PDHX: variants seen among roughly 807,000 people sequenced by gnomAD.
The protein encoded by PDHX is pyruvate dehydrogenase protein X component, mitochondrial.
PDHX carries 33 observed loss-of-function variants against 55.3 expected under a neutral mutation model. The ratio of observed to expected loss-of-function variants is 0.60; its 90% CI spans 0.45 to 0.80. The LOEUF (loss-of-function observed/expected upper bound fraction) is 0.80, where lower values mean the gene tolerates loss of function less well. Among genes scored for constraint, PDHX ranks in the 30% least tolerant of loss-of-function variants. PDHX has a pLI of 0.00. For synonymous variants in PDHX, 226 were observed against 219.4 expected (o/e 1.03, Z -0.27); for missense variants, 622 against 619.9 (o/e 1.00, Z -0.04).
At chr11:34,978,016 TA>T (rs1479918516) in intron 7 of PDHX, 107 bp from the exon 8 acceptor site, 3 of 702,926 alleles carry the variant, frequency 4.3e-6, no homozygotes, top group Non-Finnish European at 7.7e-6. Flanking sequence ...TGTAATTTTT[TA>T]TCATTGTTTG....
At chr11:34,969,406 C>T (rs976898223) in intron 6 of PDHX, among the ~76,000 whole-genome samples, 1 of 150,506 alleles carries the variant, frequency 6.6e-6, no homozygotes, top group Non-Finnish European at 1.5e-5. Flanking sequence ...TGCAGTGGCG[C>T]GATCTTGGCT....
chr11:34,939,468 G>GGTGT (rs68165754), intron 2 of PDHX, among the ~76,000 whole-genome samples: 31 of 149,184 alleles, frequency 2.1e-4, no homozygotes, highest in African/African-American at 5.7e-4. Context: ...TTTTACTAAT[G>GGTGT]GTGTGTGTGT....
chr11:34,988,255 A>G (rs1480892106), intron 9 of PDHX, among the ~76,000 whole-genome samples: 1 of 152,168 alleles, frequency 6.6e-6, no homozygotes, highest in East Asian at 1.9e-4. Context: ...CAGCGGGCAT[A>G]CTTTGTACCA....
chr11:34,944,841 T>C (rs1448576182), intron 2 of PDHX, among the ~76,000 whole-genome samples: 4 of 152,174 alleles, frequency 2.6e-5, no homozygotes, highest in Admixed American at 6.5e-5. Context: ...TATTTTCATA[T>C]CCATTTTGAT....
chr11:34,923,640 C>T (rs946803002), intron 1 of PDHX, among the ~76,000 whole-genome samples: 1 of 152,020 alleles, frequency 6.6e-6, no homozygotes, highest in Non-Finnish European at 1.5e-5. Flanking sequence ...AGTGTTCCAT[C>T]AGGTAGAATC....
chr11:34,977,397 C>A (rs188978895), intron 7 of PDHX, among the ~76,000 whole-genome samples: 2 of 152,198 alleles, frequency 1.3e-5, no homozygotes, highest in Non-Finnish European at 2.9e-5. Context: ...GGGAGGACCC[C>A]AGCTTTATCT....
intron 6 of PDHX, 33 bp from the exon 7 acceptor site, chr11:34,970,106 T>C: frequency 1.9e-6 from 3 of 1,602,762 alleles, no homozygotes; most frequent in Non-Finnish European, 2.6e-6. Flanking sequence ...ATTCCACTTG[T>C]GGTTTAACGG....
chr11:34,917,228 T>C (rs1213041321), intron 1 of PDHX, among the ~76,000 whole-genome samples: 4 of 152,206 alleles, frequency 2.6e-5, no homozygotes, highest in Admixed American at 2.0e-4. Flanking sequence ...TTCTTACTTA[T>C]TCTCTAGGCC....
At chr11:34,972,893 T>C (rs1855286271) in intron 7 of PDHX, among the ~76,000 whole-genome samples, 1 of 152,194 alleles carries the variant, frequency 6.6e-6, no homozygotes, top group Non-Finnish European at 1.5e-5. Flanking sequence ...TTCTTAAATT[T>C]GTTGATATTT....
chr11:34,958,322 C>T (rs560201438), intron 4 of PDHX, among the ~76,000 whole-genome samples: 13 of 151,962 alleles, frequency 8.6e-5, no homozygotes, highest in South Asian at 2.1e-4. Flanking sequence ...AGGTGGGTGA[C>T]GGAGTTTTGA....
At chr11:34,916,580 C>G, upstream of PDHX, 1 of 1,576,250 alleles carries the variant, frequency 6.3e-7, no homozygotes. Flanking sequence ...GGGGGCGTGG[C>G]CAACCATGCG....
intron 2 of PDHX, among the ~76,000 whole-genome samples, chr11:34,942,170 A>G (rs1043264778): frequency 7.3e-5 from 11 of 150,936 alleles, no homozygotes; most frequent in Admixed American, 6.5e-4. Context: ...CTTATACATT[A>G]ATGTTTGTTG....
At chr11:34,991,097 C>T (rs1230210548) in intron 9 of PDHX, among the ~76,000 whole-genome samples, 3 of 151,394 alleles carry the variant, frequency 2.0e-5, no homozygotes, top group Non-Finnish European at 4.4e-5. Context: ...GTGGTTAATT[C>T]CAAGTACAAG....
chr11:34,984,982 T>C, intron 9 of PDHX: 1 of 396,902 alleles, frequency 2.5e-6, no homozygotes, highest in East Asian at 5.2e-5. Flanking sequence ...AACTTCATGC[T>C]AAAGACAAGC....
At chr11:34,953,473 GC>G (rs1854827857) in intron 3 of PDHX, among the ~76,000 whole-genome samples, 1 of 152,174 alleles carries the variant, frequency 6.6e-6, no homozygotes, top group Non-Finnish European at 1.5e-5. Flanking sequence ...AAAACAGCAT[GC>G]TACTGCTATC....
At chr11:34,984,797 A>G in intron 9 of PDHX, 69 bp downstream of exon 9, 1 of 1,450,332 alleles carries the variant, frequency 6.9e-7, no homozygotes, top group Non-Finnish European at 9.7e-7. Context: ...TTTCTGATAA[A>G]GTTGTGACGT....
chr11:34,969,491 G>A (rs958072039), intron 6 of PDHX, among the ~76,000 whole-genome samples: 3 of 151,630 alleles, frequency 2.0e-5, no homozygotes, highest in Admixed American at 1.3e-4. Context: ...TTACAGGCAC[G>A]CGCCACCACA....
intron 2 of PDHX, among the ~76,000 whole-genome samples, chr11:34,936,791 T>TCTTTTC (rs1258744885): frequency 1.2e-4 from 14 of 118,440 alleles, no homozygotes; most frequent in Admixed American, 5.0e-4. Context: ...TTCTTTTTTT[T>TCTTTTC]TTTTTTTTTT....
In PDHX at chr11:34,950,335, T is replaced by A. The variant is rs951427624; in HGVS notation, c.342+2729T>A. Among the ~76,000 whole-genome samples, 3 of 151,314 alleles carry A rather than the reference T, an allele frequency of 2.0e-5. No homozygotes were observed. In the East Asian group the frequency reaches 5.8e-4, roughly 29 times the overall value. ...GGAAGATATTCTCAACTCTAATTTT[T>A]TCTTTTTTTAATGTTTGTTTATTTA... is the stretch of plus-strand genomic sequence containing the variant. On this transcript the variant is annotated intron_variant, in intron 3 of 10. Transcript: ENST00000227868.
Sources: gnomAD v4.1 joint callset for allele counts (sites outside exome capture counted in the v4.1 genomes callset) on GRCh38, gnomAD v4.1.1 for gene constraint, MANE v1.5 for transcripts, NCBI Gene and HGNC (gene_info 2026-07-23, HGNC 2026-07-21) for gene names.